RTN4: variants seen among roughly 807,000 people sequenced by gnomAD.
RTN4 encodes reticulon-4.
RTN4 carries 32 observed loss-of-function variants against 90.4 expected under a neutral mutation model. The observed-to-expected ratio is 0.35, with a 90% confidence interval of 0.27 to 0.48. RTN4 has a LOEUF of 0.48. Among genes scored for constraint, RTN4 ranks in the 20% least tolerant of loss-of-function variants. The probability of loss-of-function intolerance (pLI) is 0.99; values close to 1 mark genes in which losing one functional copy is unlikely to be tolerated. For missense variants in RTN4, 1,706 were observed against 1,430.2 expected, an observed-to-expected ratio of 1.19 and a Z score of -3.11; for synonymous variants, 629 against 552.5, an observed-to-expected ratio of 1.14 and a Z score of -1.94.
intron 1 of RTN4, among the ~76,000 whole-genome samples, chr2:55,082,526 C>T (rs1668741276): frequency 6.6e-6 from 1 of 152,316 alleles, no homozygotes; most frequent in Non-Finnish European, 1.5e-5. Context: ...CAATCTATAA[C>T]ACATTTCCAA....
At chr2:55,061,294 C>A (rs1183438739) in intron 2 of RTN4, among the ~76,000 whole-genome samples, 1 of 152,110 alleles carries the variant, frequency 6.6e-6, no homozygotes, top group African/African-American at 2.4e-5. Context: ...AAACTCCTGA[C>A]CTCAGGTGAT....
At chr2:55,097,990 T>C (rs958039662) in intron 1 of RTN4, among the ~76,000 whole-genome samples, 1 of 152,056 alleles carries the variant, frequency 6.6e-6, no homozygotes. Flanking sequence ...CTCTGTGCCC[T>C]TCCCCCAATC....
the RTN4 span, among the ~76,000 whole-genome samples, chr2:55,131,842 CCA>C: frequency 3.9e-5 from 6 of 152,088 alleles, no homozygotes; most frequent in Admixed American, 2.0e-4. Context: ...CAAGATGGCA[CCA>C]TTGCACTCCA....
At chr2:54,999,792 C>T (rs150658906) in intron 3 of RTN4, among the ~76,000 whole-genome samples, 216 of 152,154 alleles carry the variant, frequency 1.4e-3, no homozygotes, top group African/African-American at 4.5e-3. Flanking sequence ...TTTAGTACTA[C>T]GTAATAGTAA....
chr2:55,032,222 G>C (rs371515955), intron 1 of RTN4, among the ~76,000 whole-genome samples: 1 of 152,036 alleles, frequency 6.6e-6, no homozygotes. Context: ...TGGGATTACA[G>C]GTGTCTGCCA....
At chr2:55,023,679 T>C (rs1454285190) in intron 3 of RTN4, among the ~76,000 whole-genome samples, 1 of 152,066 alleles carries the variant, frequency 6.6e-6, no homozygotes, top group Non-Finnish European at 1.5e-5. Flanking sequence ...CCTTCCTGCT[T>C]GCTAATATTT....
intron 3 of RTN4, among the ~76,000 whole-genome samples, chr2:55,004,394 C>A (rs1431747356): frequency 6.6e-6 from 1 of 152,048 alleles, no homozygotes; most frequent in Non-Finnish European, 1.5e-5. Flanking sequence ...GTGGCATGGT[C>A]CTGTGTGGGC....
intron 3 of RTN4, 131 bp downstream of exon 3, chr2:55,024,955 A>C: frequency 1.8e-6 from 2 of 1,134,678 alleles, no homozygotes; most frequent in South Asian, 3.2e-5. Flanking sequence ...TAACTGAAAA[A>C]GTGGAGAAGA....
the RTN4 span, among the ~76,000 whole-genome samples, chr2:55,118,489 A>C: frequency 6.6e-6 from 1 of 152,106 alleles, no homozygotes; most frequent in African/African-American, 2.4e-5. Context: ...CCCAGGAAGA[A>C]GTTTCACATG....
rs574884685 is a variant in RTN4 at position 55,085,843 on chromosome 2, G to C, written c.-213-5204C>G. Among the ~76,000 whole-genome samples the C allele has an allele frequency of 2.0e-5, 3 of 152,254 alleles. No individual in the cohort carries two copies. In the East Asian group the frequency reaches 5.8e-4, roughly 29 times the overall value. ...ATAAATATAATCTCGCTGCACATTT[G>C]TTGGATCATAACAAATCAAATCTGT... On this transcript the variant is annotated intron_variant, in intron 1 of 3. Transcript: ENST00000427710.
At chr2:55,029,682 T>C (rs1314341183) in intron 1 of RTN4, among the ~76,000 whole-genome samples, 1 of 152,186 alleles carries the variant, frequency 6.6e-6, no homozygotes, top group Non-Finnish European at 1.5e-5. Context: ...GATAAATATA[T>C]ACTGGGCATG....
chr2:55,053,133 T>TA (rs1322271682), upstream of RTN4, among the ~76,000 whole-genome samples: 3 of 152,194 alleles, frequency 2.0e-5, no homozygotes, highest in Non-Finnish European at 4.4e-5. Flanking sequence ...CAGTGACTTC[T>TA]AAAAAAATAA....
intron 3 of RTN4, among the ~76,000 whole-genome samples, chr2:54,987,930 A>G (rs1242599573): frequency 6.6e-6 from 1 of 152,234 alleles, no homozygotes; most frequent in Non-Finnish European, 1.5e-5. Context: ...ATTCAAATTT[A>G]TTTCTGCATA....
chr2:55,050,844 G>C (rs181870790), upstream of RTN4: 47 of 152,218 alleles, frequency 3.1e-4, no homozygotes, highest in South Asian at 5.4e-3. The surrounding 1 kb of genome is among the most constrained non-coding windows in gnomAD (Gnocchi z 4.6). Flanking sequence ...TAGAGCACTG[G>C]GAAAGGGGGC....
intron 1 of RTN4, among the ~76,000 whole-genome samples, chr2:55,102,307 G>A (rs1268476615): frequency 6.6e-6 from 1 of 152,034 alleles, no homozygotes; most frequent in Admixed American, 6.6e-5. Flanking sequence ...TAGGCCAGGG[G>A]GTAGCAAACC....
intron 1 of RTN4, among the ~76,000 whole-genome samples, chr2:55,109,400 T>C (rs1053567052): frequency 2.0e-5 from 3 of 152,134 alleles, no homozygotes; most frequent in Admixed American, 2.0e-4. Context: ...CTTCTGGTAT[T>C]AACTGTGCTT....
upstream of RTN4, among the ~76,000 whole-genome samples, chr2:55,117,243 C>T (rs560980937): frequency 6.6e-6 from 1 of 152,202 alleles, no homozygotes; most frequent in African/African-American, 2.4e-5. Context: ...ACATGTGAGA[C>T]CTTGAAATAG....
chr2:55,088,997 A>G lies in RTN4; in HGVS notation c.-213-8358T>C, dbSNP rs182431247. The stretch of plus-strand genomic sequence containing the variant: ...GCCCAGGCTGGAGTGCAGTGGCGCG[A>G]TCTCAGCTCACTGCAACCTCCGCCT... On this transcript the variant is annotated intron_variant, in intron 1 of 3. Coordinates refer to the RTN4 transcript ENST00000427710. Among the ~76,000 whole-genome samples the G allele has an allele frequency of 2.8e-3, 427 of 152,194 alleles. 1 individual carries two copies. Among genetic ancestry groups the G allele is most frequent in the African/African-American group, 9.7e-3 (401 of 41,524 alleles).
At position 55,046,392 on chromosome 2, in the gene RTN4, G is replaced by A. The variant is rs986042443; in HGVS notation, c.556+3353C>T. Among the ~76,000 whole-genome samples the A allele has an allele frequency of 3.3e-5, 5 of 152,032 alleles. No individual in the cohort carries two copies. In the South Asian group the frequency reaches 1.0e-3, roughly 31 times the overall value. The stretch of plus-strand genomic sequence containing the variant: ...ACTCTCCCACTAGTTTTTCTCACTA[G>A]TCTTACACTAGATTCTCAGACACAA... On this transcript the variant is annotated intron_variant, in intron 1 of 8. Coordinates refer to ENST00000337526, the MANE Select transcript of RTN4 (RefSeq NM_020532.5).
Sources: allele counts gnomAD v4.1 joint callset (sites outside exome capture counted in the v4.1 genomes callset), GRCh38; gene constraint gnomAD v4.1.1; non-coding constraint Gnocchi (gnomAD v3.1); transcripts MANE v1.5; gene names NCBI Gene and HGNC (gene_info 2026-07-23, HGNC 2026-07-21).